The following CCDC47 variants were observed in gnomAD, a reference collection of about 807,000 sequenced individuals.
The protein encoded by CCDC47 is coiled-coil domain containing 47.
A neutral mutation model predicts 60.5 loss-of-function variants in CCDC47; 41 were observed. The ratio of observed to expected loss-of-function variants is 0.68; its 90% CI spans 0.53 to 0.88. The LOEUF (loss-of-function observed/expected upper bound fraction) is 0.88. Among genes scored for constraint, CCDC47 ranks in the 40% least tolerant of loss-of-function variants. The probability of loss-of-function intolerance (pLI) is 0.00; values close to 1 mark genes in which losing one functional copy is unlikely to be tolerated. For missense variants in CCDC47, 513 were observed against 580.9 expected, an observed-to-expected ratio of 0.88 and a Z score of 1.20; for synonymous variants, 195 against 190.7, an observed-to-expected ratio of 1.02 and a Z score of -0.18.
chr17:63,747,044 A>C (rs1010430449), intron 12 of CCDC47, 83 bp from the exon 13 acceptor site: 170 of 1,547,236 alleles, frequency 1.1e-4, no homozygotes, highest in Non-Finnish European at 1.4e-4. Flanking sequence ...TGTTAAAAAA[A>C]AATCCAAATT....
chr17:63,771,016 G>A, intron 1 of CCDC47, among the ~76,000 whole-genome samples: 2 of 63,586 alleles, frequency 3.1e-5, no homozygotes, highest in African/African-American at 8.0e-5. Flanking sequence ...AAGAAAGAAA[G>A]GAAGGAAGGA....
At chr17:63,757,560 C>A (rs1246552963) in intron 6 of CCDC47, among the ~76,000 whole-genome samples, 1 of 152,052 alleles carries the variant, frequency 6.6e-6, no homozygotes, top group African/African-American at 2.4e-5. Context: ...TTCTGACCTG[C>A]AGAAACGGTA....
At chr17:63,769,561 C>G (rs183076293) in intron 1 of CCDC47, among the ~76,000 whole-genome samples, 1 of 142,144 alleles carries the variant, frequency 7.0e-6, no homozygotes, top group Non-Finnish European at 1.5e-5. Flanking sequence ...TGCAGTGAGC[C>G]GAGACAGCGC....
At chr17:63,751,003 T>C (rs1235926681) in intron 12 of CCDC47, among the ~76,000 whole-genome samples, 3 of 151,400 alleles carry the variant, frequency 2.0e-5, no homozygotes, top group Non-Finnish European at 4.4e-5. Flanking sequence ...GTCTCCCAAG[T>C]AGTTGGGACT....
chr17:63,761,443 A>T, intron 4 of CCDC47, 92 bp from the exon 5 acceptor site: 8 of 1,336,976 alleles, frequency 6.0e-6, no homozygotes, highest in African/African-American at 4.5e-5. Flanking sequence ...GCACTTTGGG[A>T]GGCTGAGGTG....
intron 12 of CCDC47, 65 bp downstream of exon 12, chr17:63,751,875 C>A: frequency 6.4e-7 from 1 of 1,567,144 alleles, no homozygotes; most frequent in Non-Finnish European, 8.8e-7. Context: ...ACCTTAACAA[C>A]CAACAGAACA....
chr17:63,754,845 T>C (rs1034452607), intron 8 of CCDC47, among the ~76,000 whole-genome samples: 4 of 148,012 alleles, frequency 2.7e-5, no homozygotes, highest in Non-Finnish European at 5.9e-5. Context: ...ACCACGCCAC[T>C]GTACTCCGGT....
chr17:63,747,104 T>C (rs960144765), intron 12 of CCDC47, 143 bp from the exon 13 acceptor site: 1 of 1,354,934 alleles, frequency 7.4e-7, no homozygotes, highest in African/African-American at 1.5e-5. Context: ...CACCATAACA[T>C]TCTAGAAGAT....
chr17:63,755,536 A>G (rs1382758883), intron 8 of CCDC47: 2 of 152,158 alleles, frequency 1.3e-5, no homozygotes, highest in African/African-American at 4.8e-5. Flanking sequence ...AGCAGCTAAA[A>G]ATATTTCTCA....
intron 1 of CCDC47, among the ~76,000 whole-genome samples, chr17:63,773,083 T>C (rs1238819201): frequency 1.3e-5 from 2 of 152,228 alleles, no homozygotes; most frequent in Non-Finnish European, 2.9e-5. Flanking sequence ...CTTTCCTCTG[T>C]CTCTTTATAT....
chr17:63,759,286 C>T (rs1325900815), intron 6 of CCDC47, among the ~76,000 whole-genome samples: 2 of 149,992 alleles, frequency 1.3e-5, no homozygotes, highest in East Asian at 2.0e-4. Flanking sequence ...GTCAGAAGTT[C>T]GAGACCAGCC....
At chr17:63,760,582 T>C (rs1598309016) in intron 6 of CCDC47, among the ~76,000 whole-genome samples, 2 of 152,234 alleles carry the variant, frequency 1.3e-5, no homozygotes, top group African/African-American at 4.8e-5. Flanking sequence ...CTCACGTCTA[T>C]AATCCCAGCA....
At chr17:63,769,613 C>CAAAAAAAA in intron 1 of CCDC47, among the ~76,000 whole-genome samples, 1 of 99,104 alleles carries the variant, frequency 1.0e-5, no homozygotes, top group Admixed American at 1.1e-4. Flanking sequence ...AACTCCATCT[C>CAAAAAAAA]AAAAAAAAAA....
chr17:63,754,000 G>A lies in CCDC47; in HGVS notation c.1034+433C>T, dbSNP rs199647955. Among the ~76,000 whole-genome samples, 22 of 152,274 alleles carry A rather than the reference G, an allele frequency of 1.4e-4. No individual in the cohort carries two copies. In the East Asian group the frequency reaches 3.9e-3, roughly 27 times the overall value. The stretch of plus-strand genomic sequence containing the variant: ...GCACGCCTGTAATCCCAGCTACTCA[G>A]GAGGCTGAGACAGGAGAATTGCTTG... On this transcript the variant is annotated intron_variant, in intron 9 of 12. Coordinates refer to ENST00000225726, the MANE Select transcript of CCDC47 (RefSeq NM_020198.3).
At chr17:63,765,082 T>A in intron 2 of CCDC47, 1 of 366,622 alleles carries the variant, frequency 2.7e-6, no homozygotes, top group Non-Finnish European at 3.8e-6. Context: ...TATTGTAGAC[T>A]TGAAATCTGC....
chr17:63,752,204 G>A (rs2039172103), intron 11 of CCDC47, 97 bp from the exon 12 acceptor site: 2 of 1,473,586 alleles, frequency 1.4e-6, no homozygotes, highest in Middle Eastern at 3.6e-4. Context: ...CTCCCATTTG[G>A]CACTTCTAAA....
chr17:63,755,215 C>T, intron 8 of CCDC47: 1 of 789,824 alleles, frequency 1.3e-6, no homozygotes, highest in Non-Finnish European at 1.5e-6. Context: ...GATTCTCCTG[C>T]CTCCGCCACC....
At chr17:63,762,204 G>T in intron 4 of CCDC47, 1 of 985,324 alleles carries the variant, frequency 1.0e-6, no homozygotes, top group South Asian at 4.7e-5. Context: ...GTATACAAAA[G>T]AAATTGCTCA....
chr17:63,751,237 A>G (rs1201924999), intron 12 of CCDC47, among the ~76,000 whole-genome samples: 1 of 151,134 alleles, frequency 6.6e-6, no homozygotes, highest in African/African-American at 2.4e-5. Flanking sequence ...TGAGTGGCGC[A>G]CACCTGTAGT....
Sources: gnomAD v4.1 joint callset for allele counts (sites outside exome capture counted in the v4.1 genomes callset) on GRCh38, gnomAD v4.1.1 for gene constraint, MANE v1.5 for transcripts, NCBI Gene and HGNC (gene_info 2026-07-23, HGNC 2026-07-21) for gene names.